INVS: variants seen among roughly 807,000 people sequenced by gnomAD.
INVS encodes the protein inversion of embryo turning homolog.
Under a neutral mutation model 108.8 loss-of-function variants are expected in INVS, and 86 were observed. The observed-to-expected ratio is 0.79, with a 90% CI of 0.66 to 0.95. INVS has a LOEUF of 0.95. Ranked by LOEUF, INVS falls within the 40% of genes least tolerant of loss-of-function variation. INVS has a pLI of 0.00. For synonymous variants in INVS, 455 were observed against 473.5 expected (o/e 0.96, Z 0.51); for missense variants, 1,169 against 1,297.4 (o/e 0.90, Z 1.52).
chr9:100,249,088 A>G (rs1832139540), intron 8 of INVS, among the ~76,000 whole-genome samples: 1 of 151,928 alleles, frequency 6.6e-6, no homozygotes, highest in African/African-American at 2.4e-5. Flanking sequence ...AGAGCATAAG[A>G]ACCCTTTTCC....
At chr9:100,123,549 T>A (rs1827789521) in intron 2 of INVS, among the ~76,000 whole-genome samples, 1 of 152,224 alleles carries the variant, frequency 6.6e-6, no homozygotes, top group Non-Finnish European at 1.5e-5. Flanking sequence ...CTTTTGGCTC[T>A]CATGAATAAT....
At chr9:100,283,870 T>C (rs945987623) in intron 12 of INVS, among the ~76,000 whole-genome samples, 5 of 152,134 alleles carry the variant, frequency 3.3e-5, no homozygotes, top group African/African-American at 1.2e-4. Flanking sequence ...ATCATTAAGG[T>C]TTGATGGGCT....
intron 11 of INVS, 122 bp downstream of exon 11, chr9:100,265,050 C>T: frequency 1.4e-6 from 1 of 709,676 alleles, no homozygotes; most frequent in Non-Finnish European, 2.5e-6. Context: ...TCAAGCAATT[C>T]TTCTCCTTCA....
At chr9:100,111,158 A>G (rs1179147023) in intron 2 of INVS, among the ~76,000 whole-genome samples, 1 of 152,238 alleles carries the variant, frequency 6.6e-6, no homozygotes, top group African/African-American at 2.4e-5. Flanking sequence ...GTGAAATCAG[A>G]TGAAATAAAT....
At chr9:100,102,744 G>C (rs1429914808) in intron 1 of INVS, 2 of 152,274 alleles carry the variant, frequency 1.3e-5, no homozygotes, top group African/African-American at 4.8e-5. Flanking sequence ...GGAATGAACT[G>C]GTCCACGTCA....
At chr9:100,278,064 G>A (rs921114826) in intron 12 of INVS, among the ~76,000 whole-genome samples, 2 of 151,606 alleles carry the variant, frequency 1.3e-5, no homozygotes, top group Admixed American at 6.6e-5. Flanking sequence ...GTGAGACCAC[G>A]TCTCTACAAA....
At chr9:100,105,603 A>G (rs939020217) in intron 2 of INVS, among the ~76,000 whole-genome samples, 1 of 152,146 alleles carries the variant, frequency 6.6e-6, no homozygotes, top group African/African-American at 2.4e-5. Flanking sequence ...TACCTCAGCT[A>G]TCTACATTCA....
At chr9:100,155,475 T>G (rs1247984006) in intron 3 of INVS, among the ~76,000 whole-genome samples, 1 of 152,130 alleles carries the variant, frequency 6.6e-6, no homozygotes, top group Admixed American at 6.6e-5. Context: ...TAGCTGGGAT[T>G]ACAGGCACGC....
intron 3 of INVS, among the ~76,000 whole-genome samples, chr9:100,212,208 C>T (rs1298079690): frequency 6.6e-6 from 1 of 152,160 alleles, no homozygotes; most frequent in Non-Finnish European, 1.5e-5. Context: ...TACAAGAAGG[C>T]ATTCTCCTTT....
chr9:100,230,744 C>G (rs1831485251), intron 5 of INVS, among the ~76,000 whole-genome samples: 1 of 152,200 alleles, frequency 6.6e-6, no homozygotes. Context: ...GTCTCGACCT[C>G]TTGACCTCGT....
At chr9:100,127,543 G>T (rs1049067387) in intron 3 of INVS, among the ~76,000 whole-genome samples, 2 of 151,806 alleles carry the variant, frequency 1.3e-5, no homozygotes, top group African/African-American at 2.4e-5. Context: ...TGTATTTTTT[G>T]AATAAAAAGC....
At chr9:100,161,268 C>T (rs892577687) in intron 3 of INVS, among the ~76,000 whole-genome samples, 1 of 144,024 alleles carries the variant, frequency 6.9e-6, no homozygotes, top group South Asian at 2.3e-4. Flanking sequence ...CCCAGCTATT[C>T]GGGAGACTGA....
chr9:100,159,361 A>G (rs1042579936), intron 3 of INVS, among the ~76,000 whole-genome samples: 1 of 152,258 alleles, frequency 6.6e-6, no homozygotes, highest in African/African-American at 2.4e-5. Context: ...AGAGATAACC[A>G]AGTAAATGAC....
At chr9:100,158,800 G>T (rs1208579866) in intron 3 of INVS, among the ~76,000 whole-genome samples, 4 of 152,222 alleles carry the variant, frequency 2.6e-5, no homozygotes, top group Non-Finnish European at 5.9e-5. Context: ...GGCCTAATGG[G>T]AGGTGTTTGG....
At chr9:100,204,345 C>A (rs2118253044) in intron 3 of INVS, among the ~76,000 whole-genome samples, 1 of 152,198 alleles carries the variant, frequency 6.6e-6, no homozygotes, top group South Asian at 2.1e-4. Context: ...TTTATAATTG[C>A]TATTAAAAAA....
intron 3 of INVS, among the ~76,000 whole-genome samples, chr9:100,176,942 A>G (rs1228681303): frequency 6.6e-6 from 1 of 151,876 alleles, no homozygotes; most frequent in Non-Finnish European, 1.5e-5. Flanking sequence ...CAATGACATC[A>G]GTACTAGTTT....
At chr9:100,140,706 C>G (rs1828398665) in intron 3 of INVS, among the ~76,000 whole-genome samples, 1 of 152,064 alleles carries the variant, frequency 6.6e-6, no homozygotes, top group African/African-American at 2.4e-5. Context: ...CTTAGGGCTG[C>G]TTCGAGCGGA....
chr9:100,231,028 G>T (rs895012560), intron 5 of INVS, among the ~76,000 whole-genome samples: 7 of 152,094 alleles, frequency 4.6e-5, no homozygotes, highest in Non-Finnish European at 8.8e-5. Context: ...TAGGTGTATA[G>T]GAATGCAGTT....
intron 3 of INVS, among the ~76,000 whole-genome samples, chr9:100,171,154 T>G (rs1036952105): frequency 2.0e-5 from 3 of 152,200 alleles, no homozygotes; most frequent in African/African-American, 7.2e-5. Context: ...AATGACATTT[T>G]GTTTAACTTC....
Sources: gnomAD v4.1 joint callset for allele counts (sites outside exome capture counted in the v4.1 genomes callset) on GRCh38, gnomAD v4.1.1 for gene constraint, MANE v1.5 for transcripts, NCBI Gene and HGNC (gene_info 2026-07-23, HGNC 2026-07-21) for gene names.